Variants in EXT1 observed in about 807,000 individuals in gnomAD.
The protein encoded by EXT1 is exostosin glycosyltransferase 1, also known as exostosin-1.
In EXT1, 20 loss-of-function variants were observed where a neutral mutation model predicts 82.5. The observed-to-expected ratio is 0.24, with a 90% CI of 0.17 to 0.35. The LOEUF (loss-of-function observed/expected upper bound fraction) is 0.35, where lower values mean the gene tolerates loss of function less well. Among genes scored for constraint, EXT1 ranks in the 10% least tolerant of loss-of-function variants. The pLI is 1.00. For missense variants in EXT1, 757 were observed against 936.5 expected (o/e 0.81, Z 2.50); for synonymous variants, 348 against 350.8 (o/e 0.99, Z 0.09).
chr8:117,858,810 C>CAGGAAGGAAGGAAGGAAGGAAGGA (rs71307408), intron 1 of EXT1, among the ~76,000 whole-genome samples: 4 of 34,368 alleles, frequency 1.2e-4, no homozygotes, highest in East Asian at 9.0e-4. Context: ...CAAGGCAAGG[C>CAGGAAGGAAGGAAGGAAGGAAGGA]AGGAAGGAAG....
chr8:117,807,879 C>T (rs1201942971), intron 8 of EXT1, among the ~76,000 whole-genome samples: 2 of 151,610 alleles, frequency 1.3e-5, no homozygotes, highest in African/African-American at 4.8e-5. Context: ...AAAAAAAACA[C>T]CACAAGTTCT....
intron 6 of EXT1, among the ~76,000 whole-genome samples, chr8:117,819,465 C>T (rs1343413340): frequency 6.6e-6 from 1 of 152,162 alleles, no homozygotes; most frequent in East Asian, 1.9e-4. Context: ...CTCTGTAACC[C>T]ATCCCTTCCC....
chr8:117,977,163 G>C (rs1815081482), intron 1 of EXT1, among the ~76,000 whole-genome samples: 2 of 152,068 alleles, frequency 1.3e-5, no homozygotes, highest in African/African-American at 4.8e-5. Flanking sequence ...GAGGTGGGTG[G>C]ATCACCTGAG....
intron 1 of EXT1, among the ~76,000 whole-genome samples, chr8:117,855,464 T>G (rs1018507050): frequency 6.6e-5 from 10 of 152,170 alleles, no homozygotes; most frequent in Non-Finnish European, 1.5e-4. Context: ...GTAATTGTTT[T>G]GGGATGTCAC....
intron 1 of EXT1, among the ~76,000 whole-genome samples, chr8:117,967,877 A>T (rs564428861): frequency 6.6e-6 from 1 of 152,236 alleles, no homozygotes; most frequent in Non-Finnish European, 1.5e-5. Flanking sequence ...TACGTAAAAC[A>T]AACGAGTCTA....
At chr8:117,909,081 G>A (rs560049991) in intron 1 of EXT1, among the ~76,000 whole-genome samples, 5 of 151,932 alleles carry the variant, frequency 3.3e-5, no homozygotes, top group East Asian at 3.9e-4. Context: ...GAAGTGAACC[G>A]AGATCGGGCC....
rs1000157756 is a variant in EXT1 at position 117,978,601 on chromosome 8, A to T, written c.962+131484T>A. On this transcript the variant is annotated intron_variant, in intron 1 of 10. Transcript: ENST00000378204. The stretch of plus-strand genomic sequence containing the variant: ...AGAGATGTCCTTCTCTGGATGACCT[A>T]TATAGGAATAATAAACTAAAAATTC... Among the ~76,000 whole-genome samples the T allele has an allele frequency of 5.9e-5, 9 of 152,344 alleles. No individual in the cohort carries two copies. The South Asian group carries it at 1.7e-3, about 28-fold the overall frequency.
chr8:118,040,795 A>G (rs555929984), intron 1 of EXT1, among the ~76,000 whole-genome samples: 1 of 152,348 alleles, frequency 6.6e-6, no homozygotes, highest in Admixed American at 6.5e-5. Context: ...TGCGAATGAG[A>G]TGAACTGCCC....
intron 1 of EXT1, among the ~76,000 whole-genome samples, chr8:118,098,936 G>A (rs1003859468): frequency 2.0e-5 from 3 of 152,096 alleles, no homozygotes; most frequent in African/African-American, 7.2e-5. Context: ...CTGGAGCCTT[G>A]GCGGAAATTG....
At chr8:117,867,770 A>G (rs1021216676) in intron 1 of EXT1, among the ~76,000 whole-genome samples, 9 of 152,220 alleles carry the variant, frequency 5.9e-5, no homozygotes, top group African/African-American at 1.4e-4. Flanking sequence ...TTTTCTGAAC[A>G]TAAACATACC....
At chr8:117,820,419 T>C (rs1162760049) in intron 5 of EXT1, among the ~76,000 whole-genome samples, 1 of 152,182 alleles carries the variant, frequency 6.6e-6, no homozygotes, top group Admixed American at 6.6e-5. Context: ...CTGGGCACGG[T>C]GGCTCACACG....
At chr8:117,939,748 TA>T (rs576027641) in intron 1 of EXT1, among the ~76,000 whole-genome samples, 70 of 152,202 alleles carry the variant, frequency 4.6e-4, no homozygotes, top group Non-Finnish European at 8.1e-4. Context: ...TTGTGGTGCA[TA>T]TCCTTTATTC....
At chr8:117,877,194 C>T (rs1209084825) in intron 1 of EXT1, among the ~76,000 whole-genome samples, 2 of 152,140 alleles carry the variant, frequency 1.3e-5, no homozygotes, top group Admixed American at 6.5e-5. Context: ...TTGCAAAAAC[C>T]GGAGGCCGGC....
chr8:117,835,565 G>C lies in EXT1; in HGVS notation c.1057-14C>G. 1.3e-6 allele frequency: 2 copies of C among 1,595,322 alleles called. No individual in the cohort carries two copies. The highest frequency in any genetic ancestry group is 2.2e-5 in the East Asian group (1 of 44,808). On this transcript the variant is annotated splice_polypyrimidine_tract_variant and intron_variant, in intron 2 of 10. Transcript: ENST00000378204. ...GACGCAGGCAGCCTGAGCAAAAAAG[G>C]GGACTTCGTGAATGTGAGGAAAGCG...
rs781738386 is a variant in EXT1 at position 117,819,716 on chromosome 8, T to C, written c.1496A>G (p.Lys499Arg). 11 of 1,612,936 alleles carry C rather than the reference T, an allele frequency of 6.8e-6. No individual in the cohort carries two copies. Reference sequence around the variant, plus strand: ...GGACTTGGCTGCAGCCACGAGAAGCTTCAACACTGGCTGGGACTGAGAGAC... The same window carrying C: ...GGACTTGGCTGCAGCCACGAGAAGCCTCAACACTGGCTGGGACTGAGAGAC... ...PLVSQSQPVL[K>R]LLVAAAKSQY... is the part of the protein sequence containing the mutation. The change falls in exon 6 of 11, where the codon AAG becomes AGG. Residue 499 changes from lysine to arginine, a missense_variant. Transcript: ENST00000378204.
Position 117,856,648 on chromosome 8 carries a change from G to A in EXT1, c.963-19447C>T, listed in dbSNP as rs114480563. 7.7e-3 allele frequency among the ~76,000 whole-genome samples: 1,168 copies of A among 152,110 alleles called. 15 individuals carry two copies. Among genetic ancestry groups the A allele is most frequent in the African/African-American group, 0.027 (1,124 of 41,486 alleles). On this transcript the variant is annotated intron_variant, in intron 1 of 10. Transcript: ENST00000378204. ...TTGAACCTAGCAGAGGTTGGCTCAT[G>A]AGGCTTTAAAAAAGAAGCCATTTCC... is the stretch of plus-strand genomic sequence containing the variant.
At chr8:117,803,269 ACTGCAACCT>A (rs996262532) in intron 10 of EXT1, among the ~76,000 whole-genome samples, 6 of 151,734 alleles carry the variant, frequency 4.0e-5, no homozygotes, top group African/African-American at 1.5e-4. Context: ...ATCTCAACCC[ACTGCAACCT>A]CTGCCTTCCA....
intron 1 of EXT1, among the ~76,000 whole-genome samples, chr8:118,047,952 G>A (rs1816649844): frequency 6.6e-6 from 1 of 151,854 alleles, no homozygotes; most frequent in Non-Finnish European, 1.5e-5. Context: ...CTTGAATCCG[G>A]GAGGCAGAGG....
intron 1 of EXT1, among the ~76,000 whole-genome samples, chr8:118,067,502 T>C (rs17505910): frequency 0.021 from 3,255 of 152,326 alleles, 111 homozygotes; most frequent in African/African-American, 0.075. Flanking sequence ...TCTAATGAAC[T>C]TTCCAGGATG....
Sources: gnomAD v4.1 joint callset for allele counts (sites outside exome capture counted in the v4.1 genomes callset) on GRCh38, gnomAD v4.1.1 for gene constraint, MANE v1.5 for transcripts, NCBI Gene and HGNC (gene_info 2026-07-23, HGNC 2026-07-21) for gene names.